HSD17B12: variants seen among roughly 807,000 people sequenced by gnomAD.
HSD17B12 encodes the protein very-long-chain 3-oxoacyl-CoA reductase.
A neutral mutation model predicts 39.3 loss-of-function variants in HSD17B12; 32 were observed. The ratio of observed to expected loss-of-function variants is 0.81; its 90% CI spans 0.61 to 1.09. HSD17B12 has a LOEUF of 1.09. HSD17B12 is among the 50% of genes least tolerant of loss of function. HSD17B12 has a pLI of 0.00. For synonymous variants in HSD17B12, 150 were observed against 146.7 expected, an observed-to-expected ratio of 1.02 and a Z score of -0.16; for missense variants, 342 against 382.9, an observed-to-expected ratio of 0.89 and a Z score of 0.89.
intron 6 of HSD17B12, among the ~76,000 whole-genome samples, chr11:43,820,053 G>T (rs1392263574): frequency 3.9e-5 from 6 of 152,138 alleles, no homozygotes. Context: ...AGTTAACATT[G>T]CTTCTGATCA....
chr11:43,611,667 C>T, the HSD17B12 span, among the ~76,000 whole-genome samples: 2 of 152,222 alleles, frequency 1.3e-5, no homozygotes, highest in African/African-American at 4.8e-5. Context: ...GCGCAGGTGA[C>T]AGCTGGGGCT....
At chr11:43,797,986 G>A (rs544084918) in intron 3 of HSD17B12, among the ~76,000 whole-genome samples, 1 of 152,170 alleles carries the variant, frequency 6.6e-6, no homozygotes, top group South Asian at 2.1e-4. Flanking sequence ...TATTTAAAGA[G>A]TATATAACTT....
chr11:43,827,916 C>T (rs953292749), intron 6 of HSD17B12, among the ~76,000 whole-genome samples: 2 of 152,040 alleles, frequency 1.3e-5, no homozygotes, highest in African/African-American at 2.4e-5. Context: ...TACTTTTTGG[C>T]TAGCTTGCAT....
the HSD17B12 span, among the ~76,000 whole-genome samples, chr11:43,590,506 AT>A: frequency 2.4e-3 from 122 of 51,606 alleles, 2 homozygotes; most frequent in South Asian, 0.014. Flanking sequence ...GGAGTGAGTG[AT>A]TTTTTTTTTT....
intron 3 of HSD17B12, among the ~76,000 whole-genome samples, chr11:43,771,456 CAT>C (rs1491305169): frequency 1.5e-5 from 2 of 133,182 alleles, no homozygotes; most frequent in Non-Finnish European, 3.1e-5. Context: ...GGAGTGGACT[CAT>C]ATTCTTTTTT....
At chr11:43,689,906 A>C (rs1209014147) in intron 1 of HSD17B12, among the ~76,000 whole-genome samples, 1 of 151,824 alleles carries the variant, frequency 6.6e-6, no homozygotes, top group African/African-American at 2.4e-5. Context: ...CCTCATCTCC[A>C]CTACTCTTAC....
At chr11:43,668,237 T>C in the HSD17B12 span, among the ~76,000 whole-genome samples, 1 of 152,226 alleles carries the variant, frequency 6.6e-6, no homozygotes, top group South Asian at 2.1e-4. Flanking sequence ...GAAGTTAATT[T>C]CCTTGCCTTT....
intron 1 of HSD17B12, among the ~76,000 whole-genome samples, chr11:43,688,343 G>A (rs933493909): frequency 1.3e-5 from 2 of 152,204 alleles, no homozygotes; most frequent in African/African-American, 4.8e-5. Context: ...TCTGATCACT[G>A]TGGTATGGGA....
chr11:43,765,086 T>A (rs1409050558), intron 3 of HSD17B12, among the ~76,000 whole-genome samples: 1 of 152,088 alleles, frequency 6.6e-6, no homozygotes, highest in Non-Finnish European at 1.5e-5. Context: ...CTTTTAAAAG[T>A]CTTATATTTA....
intron 3 of HSD17B12, among the ~76,000 whole-genome samples, chr11:43,775,584 A>T (rs962607852): frequency 6.6e-6 from 1 of 151,822 alleles, no homozygotes; most frequent in East Asian, 1.9e-4. Flanking sequence ...ACTCAAATTT[A>T]TTTCTTTTTT....
the HSD17B12 span, among the ~76,000 whole-genome samples, chr11:43,643,343 C>G: frequency 1.3e-5 from 2 of 152,072 alleles, no homozygotes; most frequent in African/African-American, 2.4e-5. Flanking sequence ...CAAAGAAATG[C>G]GTTTTTAAAC....
the HSD17B12 span, among the ~76,000 whole-genome samples, chr11:43,615,301 G>A: frequency 6.6e-6 from 1 of 152,162 alleles, no homozygotes; most frequent in Non-Finnish European, 1.5e-5. Flanking sequence ...GAACTCCAAT[G>A]TCTTCCTACC....
At chr11:43,677,189 C>A (rs1949700327), upstream of HSD17B12, among the ~76,000 whole-genome samples, 1 of 152,096 alleles carries the variant, frequency 6.6e-6, no homozygotes, top group Non-Finnish European at 1.5e-5. Flanking sequence ...GGGGTTTGGG[C>A]AGCAAGAAAT....
chr11:43,676,208 GGT>G (rs56092553), upstream of HSD17B12, among the ~76,000 whole-genome samples: 526 of 147,728 alleles, frequency 3.6e-3, 3 homozygotes, highest in East Asian at 0.031. Flanking sequence ...AGAGGAAGAG[GGT>G]GTGTGTGTGT....
chr11:43,719,747 T>C (rs1473520723), intron 1 of HSD17B12, among the ~76,000 whole-genome samples: 1 of 152,104 alleles, frequency 6.6e-6, no homozygotes, highest in Admixed American at 6.5e-5. Flanking sequence ...TCTCCTTCTT[T>C]TTTCTTTTTC....
chr11:43,795,457 G>C (rs537574578), intron 3 of HSD17B12, among the ~76,000 whole-genome samples: 1 of 152,292 alleles, frequency 6.6e-6, no homozygotes, highest in Admixed American at 6.5e-5. Context: ...GAACTCGATG[G>C]TGGAGGTGGA....
the HSD17B12 span, among the ~76,000 whole-genome samples, chr11:43,654,968 G>A: frequency 6.6e-6 from 1 of 152,106 alleles, no homozygotes; most frequent in African/African-American, 2.4e-5. Flanking sequence ...TGATGGGGAT[G>A]GCATTGAATC....
At chr11:43,799,976 T>C (rs1950951178) in intron 4 of HSD17B12, among the ~76,000 whole-genome samples, 1 of 152,210 alleles carries the variant, frequency 6.6e-6, no homozygotes. Flanking sequence ...TAAAAATGAA[T>C]GCAAACACAG....
At chr11:43,696,868 G>A (rs1949916653) in intron 1 of HSD17B12, among the ~76,000 whole-genome samples, 1 of 152,086 alleles carries the variant, frequency 6.6e-6, no homozygotes, top group African/African-American at 2.4e-5. Flanking sequence ...ACAGGGACAT[G>A]GATGAAACTG....
Sources: allele counts gnomAD v4.1 joint callset (sites outside exome capture counted in the v4.1 genomes callset), GRCh38; gene constraint gnomAD v4.1.1; transcripts MANE v1.5; gene names NCBI Gene and HGNC (gene_info 2026-07-23, HGNC 2026-07-21).